ALDH6A1: variants seen among roughly 807,000 people sequenced by gnomAD.
ALDH6A1 encodes aldehyde dehydrogenase 6 family member A1.
A neutral mutation model predicts 62.6 loss-of-function variants in ALDH6A1; 43 were observed. That is an observed-to-expected ratio of 0.69 (90% CI 0.54 to 0.89). The LOEUF is 0.89. ALDH6A1 is among the 40% of genes least tolerant of loss of function. The pLI, the probability that ALDH6A1 is intolerant of heterozygous loss-of-function variation, is 0.00. For missense variants in ALDH6A1, 551 were observed against 661.3 expected, an observed-to-expected ratio of 0.83 and a Z score of 1.83; for synonymous variants, 194 against 234.2, an observed-to-expected ratio of 0.83 and a Z score of 1.57.
intron 9 of ALDH6A1, chr14:74,066,085 CAA>C (rs1408469767): frequency 6.5e-6 from 1 of 153,964 alleles, no homozygotes; most frequent in African/African-American, 2.4e-5. Flanking sequence ...TAAAAATTGA[CAA>C]GTCAATTATT....
intron 1 of ALDH6A1, 117 bp from the exon 2 acceptor site, chr14:74,075,134 G>T: frequency 1.2e-6 from 1 of 849,986 alleles, no homozygotes; most frequent in Non-Finnish European, 1.9e-6. Flanking sequence ...TTCTCTCAAA[G>T]GCCATACAGT....
chr14:74,066,549 G>A (rs1201785235), intron 9 of ALDH6A1, among the ~76,000 whole-genome samples, 156 bp downstream of exon 9: 1 of 152,142 alleles, frequency 6.6e-6, no homozygotes, highest in East Asian at 1.9e-4. Context: ...GTTAGAAGGA[G>A]AGGCTCATTC....
Position 74,071,641 on chromosome 14 carries a change from T to A in ALDH6A1, c.428-144A>T. ...CTGACTTGCCCTTCCAAGTTAAGGGTTTGTGCAAAATGAGATTCTCTGAAT... is the reference window on the plus strand; with the variant it reads ...CTGACTTGCCCTTCCAAGTTAAGGGATTGTGCAAAATGAGATTCTCTGAAT... On this transcript the variant is annotated intron_variant, in intron 5 of 11. Transcript: ENST00000553458. 7 of 1,549,454 alleles carry A rather than the reference T, an allele frequency of 4.5e-6. No homozygotes were observed. The South Asian group carries it at 7.2e-5, about 16-fold the overall frequency.
In ALDH6A1 at chr14:74,059,593, G is replaced by C; in HGVS notation, c.*1049C>G. 1 of 262,084 alleles carries C rather than the reference G, an allele frequency of 3.8e-6. No homozygotes were observed. Among genetic ancestry groups the C allele is most frequent in the Non-Finnish European group, 7.6e-6 (1 of 132,194 alleles). The allele number at this position is 262,084 out of a possible 1,614,324, so 16.2% of individuals were successfully genotyped here. On this transcript the variant is annotated 3_prime_UTR_variant, in exon 12 of 12. Coordinates refer to ENST00000553458, the MANE Select transcript of ALDH6A1 (RefSeq NM_005589.4). ...GCCTGTAATCCCAGCTACTAGGGGG[G>C]CTGAGGCAGGAGAATCGCTTGAACC...
At position 74,072,184 on chromosome 14, in the gene ALDH6A1, T is replaced by C. The variant is rs112558893; in HGVS notation, c.348+19A>G. The C allele has an allele frequency of 2.7e-5, 43 of 1,614,050 alleles. No homozygotes were observed. Among genetic ancestry groups the C allele is most frequent in the Middle Eastern group, 3.3e-4 (2 of 6,084 alleles). On this transcript the variant is annotated intron_variant, in intron 4 of 11. Coordinates refer to ENST00000553458, the MANE Select transcript of ALDH6A1 (RefSeq NM_005589.4). ...CCCTAGGTGACAGTTTGGAAAAGCA[T>C]ACCATTTAGATTTCATACCAAGTTT... is the stretch of plus-strand genomic sequence containing the variant.
chr14:74,083,253 T>C (rs1417551851), intron 1 of ALDH6A1, among the ~76,000 whole-genome samples: 1 of 152,222 alleles, frequency 6.6e-6, no homozygotes, highest in Non-Finnish European at 1.5e-5. Flanking sequence ...AGCTCAGCAA[T>C]ATAGAGGAAA....
Position 74,057,464 on chromosome 14 carries a change from T to C in ALDH6A1, c.*3178A>G. ...TTATACTAATGCAAATGCAAATGTG[T>C]GCCTCTTTTTGTGTAGAAACCTATA... On this transcript the variant is annotated 3_prime_UTR_variant, in exon 12 of 12. Coordinates refer to ENST00000553458, the MANE Select transcript of ALDH6A1 (RefSeq NM_005589.4). 1 of 1,447,336 alleles carries C rather than the reference T, an allele frequency of 6.9e-7. No homozygotes were observed. The highest frequency in any genetic ancestry group is 9.1e-7 in the Non-Finnish European group (1 of 1,102,632). 89.7% of individuals were successfully genotyped at this position (1,447,336 alleles called of 1,614,324 possible). A position where few individuals can be genotyped will look rare whatever the true frequency, so the allele number is the denominator to read the frequency against.
Position 74,084,441 on chromosome 14 carries a change from A to G in ALDH6A1, c.-47T>C. 2 of 1,607,878 alleles carry G rather than the reference A, an allele frequency of 1.2e-6. No individual in the cohort carries two copies. The highest frequency in any genetic ancestry group is 2.2e-5 in the South Asian group (2 of 90,236). On this transcript the variant is annotated 5_prime_UTR_variant, in exon 1 of 12. Coordinates refer to ENST00000553458, the MANE Select transcript of ALDH6A1 (RefSeq NM_005589.4). ...CGCACCCCGCGCCTCTACTGCCCAG[A>G]AGCACTACAGCTGCCAGGCCTCGCC...
At chr14:74,083,763 C>CT (rs2060693452) in intron 1 of ALDH6A1, among the ~76,000 whole-genome samples, 1 of 152,192 alleles carries the variant, frequency 6.6e-6, no homozygotes, top group Non-Finnish European at 1.5e-5. Flanking sequence ...AAGAGCCACA[C>CT]TTAGGGAAAA....
At chr14:74,063,167 A>G (rs1442133406) in intron 11 of ALDH6A1, among the ~76,000 whole-genome samples, 3 of 150,728 alleles carry the variant, frequency 2.0e-5, no homozygotes, top group African/African-American at 7.3e-5. Context: ...CTGTTGGCCG[A>G]TGTGGCAATA....
chr14:74,069,583 T>G (rs1566831851), intron 6 of ALDH6A1, among the ~76,000 whole-genome samples: 1 of 151,684 alleles, frequency 6.6e-6, no homozygotes, highest in Non-Finnish European at 1.5e-5. Flanking sequence ...AAACCCTGTC[T>G]CTACTAAAAA....
chr14:74,061,464 G>C (rs1257807022), intron 11 of ALDH6A1, among the ~76,000 whole-genome samples: 1 of 151,978 alleles, frequency 6.6e-6, no homozygotes, highest in Non-Finnish European at 1.5e-5. Flanking sequence ...ACCATGCCCA[G>C]CTATTTTTGT....
In ALDH6A1 at chr14:74,069,121, T is replaced by TC. The variant is rs1333699373; in HGVS notation, c.731-141_731-140insG. 36 of 949,880 alleles carry TC rather than the reference T, an allele frequency of 3.8e-5. No individual in the cohort carries two copies. In the African/African-American group the frequency reaches 6.0e-4, roughly 16 times the overall value. The allele number at this position is 949,880 out of a possible 1,614,324, so 58.8% of individuals were successfully genotyped here. On this transcript the variant is annotated intron_variant, in intron 6 of 11. Coordinates refer to ENST00000553458, the MANE Select transcript of ALDH6A1 (RefSeq NM_005589.4). ...TTTTTCTTTTTTTTTTTTTTTTTTT[T>TC]TGAGACGGAGTCTCGCTCTGTTGCC...
rs148780249 is a variant in ALDH6A1 at position 74,059,662 on chromosome 14, T to C, written c.*980A>G. 1,265 of 179,018 alleles carry C rather than the reference T, an allele frequency of 7.1e-3. 16 individuals carry two copies. The highest frequency in any genetic ancestry group is 0.029 in the African/African-American group (1,197 of 41,848). 11.1% of individuals were successfully genotyped at this position (179,018 alleles called of 1,614,324 possible). A position where few individuals can be genotyped will look rare whatever the true frequency, so the allele number is the denominator to read the frequency against. On this transcript the variant is annotated 3_prime_UTR_variant, in exon 12 of 12. Coordinates refer to ENST00000553458, the MANE Select transcript of ALDH6A1 (RefSeq NM_005589.4). ...GTGAGCTGAGATCACGCCATTGCACTCCAGCCTGGGCAACAAGAGTGAAAC... is the reference window on the plus strand; with the variant it reads ...GTGAGCTGAGATCACGCCATTGCACCCCAGCCTGGGCAACAAGAGTGAAAC...
intron 4 of ALDH6A1, 111 bp from the exon 5 acceptor site, chr14:74,072,085 CA>C: frequency 6.4e-7 from 1 of 1,571,128 alleles, no homozygotes; most frequent in Non-Finnish European, 8.8e-7. Context: ...GGGAGAGAGT[CA>C]TGATCAACGT....
chr14:74,079,532 C>T (rs573188825), intron 1 of ALDH6A1, among the ~76,000 whole-genome samples: 3 of 151,238 alleles, frequency 2.0e-5, no homozygotes, highest in African/African-American at 7.3e-5. Flanking sequence ...CTCCTGGGTT[C>T]ACACCTTCTC....
intron 11 of ALDH6A1, among the ~76,000 whole-genome samples, chr14:74,062,580 G>A (rs1477153676): frequency 6.6e-6 from 1 of 151,988 alleles, no homozygotes; most frequent in Non-Finnish European, 1.5e-5. Context: ...CAGCCTGGGT[G>A]ACAGAGAAAG....
At position 74,060,068 on chromosome 14, in the gene ALDH6A1, CA is replaced by C. The variant is rs1412970431; in HGVS notation, c.*573del. The C allele has an allele frequency of 1.3e-5, 2 of 157,278 alleles. No individual in the cohort carries two copies. The highest frequency in any genetic ancestry group is 4.8e-5 in the African/African-American group (2 of 41,476). 9.7% of individuals were successfully genotyped at this position (157,278 alleles called of 1,614,324 possible). On this transcript the variant is annotated 3_prime_UTR_variant, in exon 12 of 12. Coordinates refer to ENST00000553458, the MANE Select transcript of ALDH6A1 (RefSeq NM_005589.4). ...GGTAGCGCTATGTTTGAGGATCAAC[CA>C]AAAGCGGTGAGTTATTTCTGTCCTG...
rs948820344 is a variant in ALDH6A1 at position 74,084,389 on chromosome 14, C to A, written c.6G>T (p.Ala2=). 15 of 1,613,440 alleles carry A rather than the reference C, an allele frequency of 9.3e-6. No homozygotes were observed. The highest frequency in any genetic ancestry group is 1.3e-5 in the Non-Finnish European group (15 of 1,179,940). The change falls in exon 1 of 12, where the codon GCG becomes GCT. Residue 2 remains alanine (A), a synonymous_variant. Coordinates refer to ENST00000553458, the MANE Select transcript of ALDH6A1 (RefSeq NM_005589.4). M[A]ALLAAAAVRA... ...GCACTGCCGCCGCCGCCAATAGCGC[C>A]GCCATGGCTCTCGGCCGCCCTAGCT...
Sources: allele counts gnomAD v4.1 joint callset (sites outside exome capture counted in the v4.1 genomes callset), GRCh38; gene constraint gnomAD v4.1.1; transcripts MANE v1.5; gene names NCBI Gene and HGNC (gene_info 2026-07-23, HGNC 2026-07-21).